PDE4D: variants seen among roughly 807,000 people sequenced by gnomAD.
The protein encoded by PDE4D is phosphodiesterase 4D.
PDE4D carries 24 observed loss-of-function variants against 87.4 expected under a neutral mutation model. That is an observed-to-expected ratio of 0.27 (90% CI 0.20 to 0.39). PDE4D has a LOEUF of 0.39. Among genes scored for constraint, PDE4D ranks in the 10% least tolerant of loss-of-function variants. The pLI is 1.00. For synonymous variants in PDE4D, 384 were observed against 383.2 expected (o/e 1.00, Z -0.02); for missense variants, 714 against 1,041.0 (o/e 0.69, Z 4.32).
chr5:59,933,792 T>TATATATATATATAAA (rs1561879282), intron 3 of PDE4D, among the ~76,000 whole-genome samples: 1 of 99,420 alleles, frequency 1.0e-5, no homozygotes, highest in African/African-American at 4.9e-5. Flanking sequence ...ATATATATAT[T>TATATATATATATAAA]AATAAGCATT....
At chr5:60,394,892 C>T (rs1231180053) in intron 1 of PDE4D, among the ~76,000 whole-genome samples, 7 of 152,156 alleles carry the variant, frequency 4.6e-5, no homozygotes, top group Admixed American at 4.6e-4. Flanking sequence ...TGCTCCGGTA[C>T]AAACATTTTC....
chr5:59,002,179 G>GA (rs1444886001), intron 6 of PDE4D: 10 of 363,000 alleles, frequency 2.8e-5, no homozygotes, highest in Admixed American at 3.9e-5. Flanking sequence ...GACCTAGAGA[G>GA]AAAAAATGAT....
intron 5 of PDE4D, among the ~76,000 whole-genome samples, chr5:59,074,684 G>C (rs983479465): frequency 5.3e-5 from 8 of 152,146 alleles, no homozygotes; most frequent in African/African-American, 1.9e-4. Context: ...CTTCAACCTA[G>C]GGAGGCAGAG....
chr5:59,175,060 G>A (rs1186972643), intron 5 of PDE4D, among the ~76,000 whole-genome samples: 1 of 152,182 alleles, frequency 6.6e-6, no homozygotes, highest in African/African-American at 2.4e-5. Context: ...GTTCGAAAAT[G>A]AAATGCTTAC....
At chr5:60,362,863 GAAA>G (rs57443993) in intron 1 of PDE4D, among the ~76,000 whole-genome samples, 1 of 116,044 alleles carries the variant, frequency 8.6e-6, no homozygotes, top group African/African-American at 2.9e-5. Flanking sequence ...TCCATCTCAA[GAAA>G]AAAAAAAAAA....
intron 1 of PDE4D, among the ~76,000 whole-genome samples, chr5:59,321,868 T>G (rs148254785): frequency 5.7e-4 from 87 of 152,252 alleles, no homozygotes; most frequent in South Asian, 1.0e-3. Flanking sequence ...GCATGCGCAC[T>G]TGTGCACACA....
chr5:59,345,390 A>G (rs1285542913), intron 1 of PDE4D, among the ~76,000 whole-genome samples: 2 of 152,174 alleles, frequency 1.3e-5, no homozygotes, highest in Non-Finnish European at 2.9e-5. Context: ...TTTGCTAACA[A>G]TGATTACTAT....
chr5:59,190,928 T>TA (rs892382380), intron 3 of PDE4D, among the ~76,000 whole-genome samples: 1 of 151,946 alleles, frequency 6.6e-6, no homozygotes. Flanking sequence ...TGAAGCCCCT[T>TA]AAAAAAAATC....
chr5:59,749,768 C>T (rs545561409), intron 1 of PDE4D, among the ~76,000 whole-genome samples: 8 of 152,232 alleles, frequency 5.3e-5, no homozygotes, highest in African/African-American at 1.9e-4. Flanking sequence ...TTTAATAACT[C>T]TCAAGTGTTC....
chr5:59,464,504 T>C (rs1230402465), intron 1 of PDE4D, among the ~76,000 whole-genome samples: 1 of 152,238 alleles, frequency 6.6e-6, no homozygotes, highest in Non-Finnish European at 1.5e-5. Context: ...CACGTGTTTG[T>C]CTGCTGACCC....
chr5:60,138,365 A>T (rs1780228557), intron 2 of PDE4D, among the ~76,000 whole-genome samples: 2 of 152,180 alleles, frequency 1.3e-5, no homozygotes, highest in African/African-American at 4.8e-5. Flanking sequence ...GCTGTGGCAT[A>T]TCAATGCTTT....
rs569269332 is a variant in PDE4D at position 59,541,799 on chromosome 5, T to A, written c.456-325831A>T. Among the ~76,000 whole-genome samples, 10 of 152,352 alleles carry A rather than the reference T, an allele frequency of 6.6e-5. No homozygotes were observed. In the South Asian group the frequency reaches 1.9e-3, roughly 28 times the overall value. On this transcript the variant is annotated intron_variant, in intron 1 of 14. Transcript: ENST00000340635. Reference sequence around the variant, plus strand: ...GAATCTACTCACTTCAGGCTCAGCCTGAGTTCCTGAAAGAATCCTGCCAGG... The same window carrying A: ...GAATCTACTCACTTCAGGCTCAGCCAGAGTTCCTGAAAGAATCCTGCCAGG...
chr5:59,295,368 G>A (rs888598736), intron 1 of PDE4D, among the ~76,000 whole-genome samples: 1 of 152,092 alleles, frequency 6.6e-6, no homozygotes, highest in Non-Finnish European at 1.5e-5. Context: ...GTTAACTGAG[G>A]CCTTTGTGTC....
At chr5:60,462,669 C>T (rs183605561) in intron 1 of PDE4D, among the ~76,000 whole-genome samples, 1 of 152,134 alleles carries the variant, frequency 6.6e-6, no homozygotes, top group Non-Finnish European at 1.5e-5. Flanking sequence ...CCAGGACTGT[C>T]TTGCAAACTA....
At chr5:60,493,566 A>G (rs1749647979) in intron 1 of PDE4D, among the ~76,000 whole-genome samples, 1 of 150,514 alleles carries the variant, frequency 6.6e-6, no homozygotes, top group Non-Finnish European at 1.5e-5. Context: ...GAGAAGGAGT[A>G]TGGACTTCTA....
intron 6 of PDE4D, chr5:58,999,788 G>A: frequency 9.9e-7 from 1 of 1,011,588 alleles, no homozygotes. Flanking sequence ...TCTGAATAAA[G>A]AAAATCCACG....
chr5:60,246,073 T>C (rs1747738811), intron 1 of PDE4D, among the ~76,000 whole-genome samples: 1 of 151,780 alleles, frequency 6.6e-6, no homozygotes, highest in African/African-American at 2.4e-5. Context: ...ATACATCTAC[T>C]ATGTAGCCAA....
intron 2 of PDE4D, among the ~76,000 whole-genome samples, chr5:60,137,786 A>C (rs1167011416): frequency 1.3e-5 from 2 of 152,040 alleles, no homozygotes; most frequent in Admixed American, 6.6e-5. Context: ...TCTTTAGTTT[A>C]ATTAGATCCC....
chr5:59,885,913 A>G (rs532207870), intron 1 of PDE4D, among the ~76,000 whole-genome samples: 90 of 152,322 alleles, frequency 5.9e-4, no homozygotes, highest in African/African-American at 2.1e-3. Context: ...CTCAAGTCCA[A>G]GTTCTATCTT....
Sources: gnomAD v4.1 joint callset for allele counts (sites outside exome capture counted in the v4.1 genomes callset) on GRCh38, gnomAD v4.1.1 for gene constraint, MANE v1.5 for transcripts, NCBI Gene and HGNC (gene_info 2026-07-23, HGNC 2026-07-21) for gene names.